The following UTS2R variants were observed in gnomAD, a reference collection of about 807,000 sequenced individuals.
UTS2R encodes urotensin-2 receptor.
For missense variants in UTS2R, 653 were observed against 562.2 expected (o/e 1.16, Z -1.63); for synonymous variants, 335 against 280.9 (o/e 1.19, Z -1.93).
chr17:82,375,445 C>T lies in UTS2R; in HGVS notation c.1121C>T (p.Pro374Leu). The change falls in exon 3 of 3, where the codon CCA (proline) becomes CTA (leucine). Residue 374 changes from proline to leucine, a missense_variant. Pro to Leu is a moderately conservative substitution (Grantham distance 98, BLOSUM62 -3). Transcript: ENST00000313135. ...PQPTDSLVLA[P>L]AAPARPAPEG... Reference sequence around the variant, plus strand: ...CCCACTGACAGCCTCGTGCTGGCCCCAGCGGCCCCGGCCCGACCTGCGCCC... The same window carrying T: ...CCCACTGACAGCCTCGTGCTGGCCCTAGCGGCCCCGGCCCGACCTGCGCCC... The T allele has an allele frequency of 6.4e-7, 1 of 1,552,182 alleles. No homozygotes were observed. Among genetic ancestry groups the T allele is most frequent in the Non-Finnish European group, 8.6e-7 (1 of 1,157,704 alleles).
At position 82,375,069 on chromosome 17, in the gene UTS2R, G is replaced by A. The variant is rs1367894512; in HGVS notation, c.745G>A (p.Ala249Thr). Residue 249 changes from alanine to threonine, a missense_variant, in exon 3 of 3, where the codon GCC becomes ACC. By Grantham distance (58) the Ala-to-Thr change is moderately conservative (BLOSUM62 0). Transcript: ENST00000313135. The part of the protein sequence containing the change: ...RRSQRASFKR[A>T]RRPGARALRL... Reference sequence around the variant, plus strand: ...CTCGCAGCGCGCCTCCTTCAAGCGGGCCCGGCGGCCGGGGGCGCGCGCGCT... The same window carrying A: ...CTCGCAGCGCGCCTCCTTCAAGCGGACCCGGCGGCCGGGGGCGCGCGCGCT... 9.2e-6 allele frequency: 13 copies of A among 1,408,084 alleles called. No homozygotes were observed. Among genetic ancestry groups the A allele is most frequent in the Non-Finnish European group, 1.1e-5 (12 of 1,089,284 alleles). 87.2% of individuals were successfully genotyped at this position (1,408,084 alleles called of 1,614,324 possible).
chr17:82,375,250 G>A lies in UTS2R; in HGVS notation c.926G>A (p.Cys309Tyr), dbSNP rs1160602647. 6.3e-7 allele frequency: 1 copy of A among 1,581,376 alleles called. No homozygotes were observed. The highest frequency in any genetic ancestry group is 1.8e-5 in the Admixed American group (1 of 55,746). ...ACCTGCCTCACCTACGGCAACAGCT[G>A]CGCCAACCCCTTCCTCTACACGCTG... is the stretch of plus-strand genomic sequence containing the variant. ...LTTCLTYGNS[C>Y]ANPFLYTLLT... is the part of the protein sequence containing the mutation. The change falls in exon 3 of 3, where the codon TGC (cysteine) becomes TAC (tyrosine). Residue 309 changes from cysteine to tyrosine, a missense_variant. By Grantham distance (194) the Cys-to-Tyr change is radical (BLOSUM62 -2). Coordinates refer to ENST00000313135, the MANE Select transcript of UTS2R (RefSeq NM_018949.3).
chr17:82,373,883 T>C (rs1201763495), intron 2 of UTS2R, among the ~76,000 whole-genome samples: 1 of 152,196 alleles, frequency 6.6e-6, no homozygotes, highest in East Asian at 1.9e-4. Context: ...GACAAGAAAG[T>C]GAGGCCTGGG....
Position 82,375,701 on chromosome 17 carries a change from C to A in UTS2R, c.*207C>A. ...TGAGGGTCTCCAGGAGGCTCCAGCGCAGTCCCGGCTTCTGGAGACCATGGC... is the reference window on the plus strand; with the variant it reads ...TGAGGGTCTCCAGGAGGCTCCAGCGAAGTCCCGGCTTCTGGAGACCATGGC... On this transcript the variant is annotated 3_prime_UTR_variant, in exon 3 of 3. Coordinates refer to ENST00000313135, the MANE Select transcript of UTS2R (RefSeq NM_018949.3). 2.3e-6 allele frequency: 1 copy of A among 444,304 alleles called. No individual in the cohort carries two copies. The highest frequency in any genetic ancestry group is 3.9e-6 in the Non-Finnish European group (1 of 254,636). 27.5% of individuals were successfully genotyped at this position (444,304 alleles called of 1,614,324 possible).
Position 82,374,918 on chromosome 17 carries a change from G to C in UTS2R, c.594G>C (p.Leu198=). 2 of 1,141,256 alleles carry C rather than the reference G, an allele frequency of 1.8e-6. No homozygotes were observed. The highest frequency in any genetic ancestry group is 2.5e-5 in the East Asian group (1 of 39,388). The allele number at this position is 1,141,256 out of a possible 1,614,324, so 70.7% of individuals were successfully genotyped here. ...TGGTGCGCCGGGGTCCCAAGAGCCT[G>C]TGCCTGCCCGCCTGGGGCCCGCGCG... ...MRLVRRGPKS[L]CLPAWGPRAH... is the part of the protein sequence containing the mutation. Residue 198 remains leucine, a synonymous_variant, in exon 3 of 3, where the codon CTG becomes CTC. Coordinates refer to ENST00000313135, the MANE Select transcript of UTS2R (RefSeq NM_018949.3).
In UTS2R at chr17:82,374,394, C is replaced by A. The variant is rs1395782975; in HGVS notation, c.70C>A (p.Pro24Thr). 1.3e-6 allele frequency: 2 copies of A among 1,591,488 alleles called. No homozygotes were observed. The highest frequency in any genetic ancestry group is 1.3e-5 in the African/African-American group (1 of 74,764). Reference sequence around the variant, plus strand: ...CGCCACTGGCAGCTCTGTGCCGGAGCCGCCTGGCGGCCCCAACGCAACCCT... The same window carrying A: ...CGCCACTGGCAGCTCTGTGCCGGAGACGCCTGGCGGCCCCAACGCAACCCT... ...LAATGSSVPE[P>T]PGGPNATLNS... Residue 24 changes from proline (P) to threonine (T), a missense_variant, in exon 3 of 3, where the codon CCG (proline) becomes ACG (threonine). Physicochemically the swap from Pro to Thr is conservative, Grantham distance 38. Coordinates refer to ENST00000313135, the MANE Select transcript of UTS2R (RefSeq NM_018949.3).
chr17:82,374,780 G>A lies in UTS2R; in HGVS notation c.456G>A (p.Val152=), dbSNP rs201048245. ...TVMSSERYAA[V]LRPLDTVQRP... is the part of the protein sequence containing the mutation. ...TGAGCAGCGAGCGCTACGCTGCGGT[G>A]CTGCGGCCGCTGGACACCGTGCAGC... The change falls in exon 3 of 3, where the codon GTG becomes GTA. Residue 152 remains valine, a synonymous_variant. Transcript: ENST00000313135. The A allele has an allele frequency of 1.9e-6, 3 of 1,597,356 alleles. No homozygotes were observed. Among genetic ancestry groups the A allele is most frequent in the African/African-American group, 1.3e-5 (1 of 74,922 alleles).
Position 82,374,510 on chromosome 17 carries a change from C to T in UTS2R, c.186C>T (p.Gly62=), listed in dbSNP as rs766620585. 4 of 1,579,790 alleles carry T rather than the reference C, an allele frequency of 2.5e-6. No individual in the cohort carries two copies. Among genetic ancestry groups the T allele is most frequent in the Admixed American group, 1.8e-5 (1 of 54,278 alleles). ...GTIGTLLSAM[G]VVGVVGNAYT... is the part of the protein sequence containing the mutation. ...TTGGGACTCTGCTGTCGGCCATGGGCGTGGTGGGCGTGGTGGGCAACGCCT... is the reference window on the plus strand; with the variant it reads ...TTGGGACTCTGCTGTCGGCCATGGGTGTGGTGGGCGTGGTGGGCAACGCCT... The change falls in exon 3 of 3, where the codon GGC becomes GGT. Residue 62 remains glycine, a synonymous_variant. Transcript: ENST00000313135.
In UTS2R at chr17:82,375,500, C is replaced by T; in HGVS notation, c.*6C>T. ...GTCCCAGGGCCCCGGCGTGAGCACG[C>T]GGAGGGGCGGCTGGAGTCCAGGCGG... On this transcript the variant is annotated 3_prime_UTR_variant, in exon 3 of 3. Transcript: ENST00000313135. The T allele has an allele frequency of 2.4e-6, 3 of 1,232,536 alleles. No individual in the cohort carries two copies. The highest frequency in any genetic ancestry group is 3.3e-6 in the Non-Finnish European group (3 of 922,388). 76.3% of individuals were successfully genotyped at this position (1,232,536 alleles called of 1,614,324 possible).
rs571930635 is a variant in UTS2R, at chr17:82,377,005, G to T, written c.*1511G>T. ...GAGAACGGGCCATGATGACAATGGC[G>T]GTTTTGTGGAATAGAAAGGCAGGAA... On this transcript the variant is annotated 3_prime_UTR_variant, in exon 3 of 3. Transcript: ENST00000313135. 3.9e-5 allele frequency among the ~76,000 whole-genome samples: 6 copies of T among 152,364 alleles called. No individual in the cohort carries two copies. The highest frequency in any genetic ancestry group is 4.1e-4 in the South Asian group (2 of 4,830).
rs1197775910 is a variant in UTS2R, at chr17:82,375,523, CG to C, written c.*33del. 1.0e-6 allele frequency: 1 copy of C among 969,968 alleles called. No homozygotes were observed. The highest frequency in any genetic ancestry group is 1.8e-5 in the South Asian group (1 of 54,738). 60.1% of individuals were successfully genotyped at this position (969,968 alleles called of 1,614,324 possible). On this transcript the variant is annotated 3_prime_UTR_variant, in exon 3 of 3. Transcript: ENST00000313135. ...CGCGGAGGGGCGGCTGGAGTCCAGGCGGGGACGCGCCCCAAAGCCCCAGCCA... is the reference window on the plus strand; with the variant it reads ...CGCGGAGGGGCGGCTGGAGTCCAGGCGGGACGCGCCCCAAAGCCCCAGCCA...
rs1183176513 is a variant in UTS2R at position 82,375,067 on chromosome 17, G to C, written c.743G>C (p.Arg248Pro). The change falls in exon 3 of 3, where the codon CGG becomes CCG. Residue 248 changes from arginine (R) to proline (P), a missense_variant. Transcript: ENST00000313135. ...CGCTCGCAGCGCGCCTCCTTCAAGC[G>C]GGCCCGGCGGCCGGGGGCGCGCGCG... ...YRRSQRASFK[R>P]ARRPGARALR... 4 of 1,407,012 alleles carry C rather than the reference G, an allele frequency of 2.8e-6. No homozygotes were observed. In the East Asian group the frequency reaches 1.2e-4, roughly 42 times the overall value. 87.2% of individuals were successfully genotyped at this position (1,407,012 alleles called of 1,614,324 possible). A position where few individuals can be genotyped will look rare whatever the true frequency, so the allele number is the denominator to read the frequency against.
chr17:82,372,483 C>G (rs1180502694), intron 1 of UTS2R, among the ~76,000 whole-genome samples, 115 bp from the exon 2 acceptor site: 3 of 152,326 alleles, frequency 2.0e-5, no homozygotes, highest in South Asian at 4.1e-4. Flanking sequence ...AGCGCCCCCA[C>G]CTGTTGACAA....
chr17:82,373,168 T>G (rs988562197), intron 2 of UTS2R, among the ~76,000 whole-genome samples: 1 of 152,184 alleles, frequency 6.6e-6, no homozygotes, highest in African/African-American at 2.4e-5. Context: ...CTTTTTTTTT[T>G]TCTCTGAGAC....
chr17:82,374,921 C>A lies in UTS2R; in HGVS notation c.597C>A (p.Cys199Ter). Residue 199 changes from cysteine (C) to a stop codon, truncating the protein, a stop_gained, in exon 3 of 3, where the codon TGC (cysteine) becomes TGA (stop). Coordinates refer to ENST00000313135, the MANE Select transcript of UTS2R (RefSeq NM_018949.3). LOFTEE classifies it low-confidence loss of function (END_TRUNC). ...RLVRRGPKSL[C>*]LPAWGPRAHR... Reference sequence around the variant, plus strand: ...TGCGCCGGGGTCCCAAGAGCCTGTGCCTGCCCGCCTGGGGCCCGCGCGCCC... The same window carrying A: ...TGCGCCGGGGTCCCAAGAGCCTGTGACTGCCCGCCTGGGGCCCGCGCGCCC... The A allele has an allele frequency of 8.9e-7, 1 of 1,126,276 alleles. No individual in the cohort carries two copies. The highest frequency in any genetic ancestry group is 1.3e-6 in the Non-Finnish European group (1 of 776,450). The allele number at this position is 1,126,276 out of a possible 1,614,324, so 69.8% of individuals were successfully genotyped here. A position where few individuals can be genotyped will look rare whatever the true frequency, so the allele number is the denominator to read the frequency against.
In UTS2R at chr17:82,374,328, G is replaced by A. The variant is rs752880607; in HGVS notation, c.4G>A (p.Ala2Thr). 1 of 1,566,114 alleles carries A rather than the reference G, an allele frequency of 6.4e-7. No individual in the cohort carries two copies. The highest frequency in any genetic ancestry group is 1.2e-5 in the South Asian group (1 of 85,634). The stretch of plus-strand genomic sequence containing the variant: ...AGCCCGTCGTGAGGGGTCAGAGATG[G>A]CGCTGACCCCCGAGTCCCCGAGCAG... M[A>T]LTPESPSSFP... The change falls in exon 3 of 3, where the codon GCG becomes ACG. Residue 2 changes from alanine to threonine, a missense_variant. Ala to Thr is a moderately conservative substitution (Grantham distance 58). Coordinates refer to ENST00000313135, the MANE Select transcript of UTS2R (RefSeq NM_018949.3).
At position 82,377,433 on chromosome 17, in the gene UTS2R, T is replaced by C. The variant is rs911545218; in HGVS notation, c.*1939T>C. 2.2e-5 allele frequency among the ~76,000 whole-genome samples: 3 copies of C among 138,048 alleles called. No individual in the cohort carries two copies. Among genetic ancestry groups the C allele is most frequent in the Middle Eastern group, 3.7e-3 (1 of 272 alleles). The allele number at this position is 138,048 out of a possible 152,430, so 90.6% of individuals were successfully genotyped here. ...GTCCTATGACCCTGCCAAATCCCCC[T>C]CTGCGAGAAACACCCAAGAATGATC... On this transcript the variant is annotated 3_prime_UTR_variant, in exon 3 of 3. Transcript: ENST00000313135.
rs756820219 is a variant in UTS2R at position 82,375,466 on chromosome 17, C to A, written c.1142C>A (p.Ala381Glu). The part of the protein sequence containing the change: ...VLAPAAPARP[A>E]PEGPRAPA ...GCCCCAGCGGCCCCGGCCCGACCTG[C>A]GCCCGAGGGTCCCAGGGCCCCGGCG... The change falls in exon 3 of 3, where the codon GCG becomes GAG. Residue 381 changes from alanine (A) to glutamate (E), a missense_variant. By Grantham distance (107) the Ala-to-Glu change is moderately radical. Coordinates refer to ENST00000313135, the MANE Select transcript of UTS2R (RefSeq NM_018949.3). 3 of 1,484,012 alleles carry A rather than the reference C, an allele frequency of 2.0e-6. No individual in the cohort carries two copies. Among genetic ancestry groups the A allele is most frequent in the Admixed American group, 4.1e-5 (2 of 48,728 alleles). The allele number at this position is 1,484,012 out of a possible 1,614,324, so 91.9% of individuals were successfully genotyped here.
chr17:82,375,486 C>G lies in UTS2R; in HGVS notation c.1162C>G (p.Pro388Ala). ...ARPAPEGPRA[P>A]A The stretch of plus-strand genomic sequence containing the variant: ...ACCTGCGCCCGAGGGTCCCAGGGCC[C>G]CGGCGTGAGCACGCGGAGGGGCGGC... Residue 388 changes from proline (P) to alanine (A), a missense_variant, in exon 3 of 3, where the codon CCG becomes GCG. Pro to Ala is a conservative substitution (Grantham distance 27). Coordinates refer to ENST00000313135, the MANE Select transcript of UTS2R (RefSeq NM_018949.3). 1 of 1,358,326 alleles carries G rather than the reference C, an allele frequency of 7.4e-7. No homozygotes were observed. The highest frequency in any genetic ancestry group is 1.4e-5 in the South Asian group (1 of 71,012). The allele number at this position is 1,358,326 out of a possible 1,614,324, so 84.1% of individuals were successfully genotyped here.
Sources: allele counts gnomAD v4.1 joint callset (sites outside exome capture counted in the v4.1 genomes callset), GRCh38; gene constraint gnomAD v4.1.1; transcripts MANE v1.5; gene names NCBI Gene and HGNC (gene_info 2026-07-23, HGNC 2026-07-21).